The following TPRG1 variants were observed in gnomAD, a reference collection of about 807,000 sequenced individuals.
TPRG1 encodes tumor protein p63 regulated 1.
In TPRG1, 29 loss-of-function variants were observed where a neutral mutation model predicts 29.3. The observed-to-expected ratio is 0.99, with a 90% CI of 0.74 to 1.35. TPRG1 has a LOEUF of 1.35. Ranked by LOEUF, TPRG1 falls within the 40% of genes most tolerant of loss-of-function variation. The pLI is 0.00. For missense variants in TPRG1, 327 were observed against 335.0 expected, an observed-to-expected ratio of 0.98 and a Z score of 0.19; for synonymous variants, 130 against 116.8, an observed-to-expected ratio of 1.11 and a Z score of -0.73.
chr3:189,297,127 C>T (rs529930788), intron 4 of TPRG1, among the ~76,000 whole-genome samples: 134 of 152,156 alleles, frequency 8.8e-4, no homozygotes, highest in African/African-American at 3.1e-3. Context: ...ACTACAGGCA[C>T]GCGCCACCAA....
At chr3:189,192,825 C>G (rs956838139) in intron 1 of TPRG1, among the ~76,000 whole-genome samples, 24 of 152,134 alleles carry the variant, frequency 1.6e-4, no homozygotes, top group African/African-American at 5.1e-4. Flanking sequence ...CTTTCTGCCT[C>G]CAGTTGCAGG....
chr3:189,253,087 G>A (rs1354439699), intron 4 of TPRG1, among the ~76,000 whole-genome samples: 1 of 151,976 alleles, frequency 6.6e-6, no homozygotes, highest in Non-Finnish European at 1.5e-5. Flanking sequence ...GGATACATGT[G>A]CAGAATGTGC....
intron 1 of TPRG1, among the ~76,000 whole-genome samples, chr3:189,175,759 G>A (rs558927558): frequency 2.6e-5 from 4 of 152,300 alleles, no homozygotes; most frequent in South Asian, 2.1e-4. Context: ...TTTAAAATAT[G>A]TTAAGCAACC....
intron 4 of TPRG1, among the ~76,000 whole-genome samples, chr3:189,084,345 G>A (rs1255702475): frequency 6.6e-6 from 1 of 152,114 alleles, no homozygotes; most frequent in Non-Finnish European, 1.5e-5. Context: ...GGGTCTTACT[G>A]AATTAAGAAA....
chr3:189,136,922 C>T (rs1272848210), intron 3 of TPRG1, among the ~76,000 whole-genome samples: 1 of 152,094 alleles, frequency 6.6e-6, no homozygotes, highest in East Asian at 1.9e-4. Flanking sequence ...TTACTGAGGG[C>T]TACAACATAC....
intron 3 of TPRG1, among the ~76,000 whole-genome samples, chr3:189,223,696 G>A (rs1287337038): frequency 6.6e-6 from 1 of 152,132 alleles, no homozygotes; most frequent in Admixed American, 6.5e-5. Flanking sequence ...AAGCTATCTG[G>A]CCATGGTTGT....
chr3:189,010,053 T>C (rs1578186815), intron 3 of TPRG1, among the ~76,000 whole-genome samples: 1 of 152,198 alleles, frequency 6.6e-6, no homozygotes, highest in Admixed American at 6.6e-5. Context: ...TATTTCATTT[T>C]CTGTTCCTGC....
intron 5 of TPRG1, among the ~76,000 whole-genome samples, chr3:189,320,291 A>T (rs1462296223): frequency 6.6e-6 from 1 of 152,090 alleles, no homozygotes; most frequent in Non-Finnish European, 1.5e-5. Context: ...TACCGATGCA[A>T]ATTATTTGTA....
chr3:189,112,371 T>G (rs182511843), intron 1 of TPRG1, among the ~76,000 whole-genome samples: 22 of 152,302 alleles, frequency 1.4e-4, no homozygotes, highest in Admixed American at 1.4e-3. Context: ...CAGAATCTCT[T>G]TAGTTTAATT....
intron 4 of TPRG1, among the ~76,000 whole-genome samples, chr3:189,309,735 G>T (rs567503954): frequency 2.0e-5 from 3 of 152,280 alleles, no homozygotes; most frequent in Admixed American, 2.0e-4. Flanking sequence ...TGCCAGAGTG[G>T]CTTCCTCCCA....
At chr3:189,252,741 T>C (rs1043597835) in intron 4 of TPRG1, among the ~76,000 whole-genome samples, 2 of 152,216 alleles carry the variant, frequency 1.3e-5, no homozygotes, top group South Asian at 2.1e-4. Flanking sequence ...ACCTAACTCA[T>C]AGGGTCATTG....
chr3:189,153,888 C>G (rs1182565240), intron 5 of TPRG1, among the ~76,000 whole-genome samples: 2 of 152,160 alleles, frequency 1.3e-5, no homozygotes, highest in African/African-American at 4.8e-5. Context: ...AGGACCAAGT[C>G]TCAGAAGCCT....
At chr3:189,162,762 T>C (rs1727652309) in intron 5 of TPRG1, among the ~76,000 whole-genome samples, 1 of 152,156 alleles carries the variant, frequency 6.6e-6, no homozygotes, top group African/African-American at 2.4e-5. Context: ...AAGATACACG[T>C]GGGGAAATTT....
At chr3:189,205,248 G>A (rs58309112) in intron 1 of TPRG1, among the ~76,000 whole-genome samples, 9,075 of 152,162 alleles carry the variant, frequency 0.06, 693 homozygotes, top group African/African-American at 0.18. Context: ...TGGAAAGATC[G>A]GATAAGAAAA....
At chr3:189,132,373 C>T (rs1043497349) in intron 2 of TPRG1, 2 of 152,196 alleles carry the variant, frequency 1.3e-5, no homozygotes, top group Admixed American at 6.5e-5. Context: ...TGTTTGATCG[C>T]GTGCTTTCTC....
At chr3:189,214,174 C>T (rs1370031364) in intron 2 of TPRG1, among the ~76,000 whole-genome samples, 2 of 152,126 alleles carry the variant, frequency 1.3e-5, no homozygotes, top group Non-Finnish European at 2.9e-5. Flanking sequence ...TTCACATATC[C>T]TTGGCAAAGT....
At chr3:189,175,413 A>T (rs1183329318) in intron 1 of TPRG1, among the ~76,000 whole-genome samples, 1 of 152,216 alleles carries the variant, frequency 6.6e-6, no homozygotes, top group East Asian at 1.9e-4. Flanking sequence ...CTGAAGTGGA[A>T]TGAGGCCAGA....
At chr3:189,026,941 T>TTA (rs775348308) in intron 4 of TPRG1, among the ~76,000 whole-genome samples, 1 of 152,220 alleles carries the variant, frequency 6.6e-6, no homozygotes, top group Non-Finnish European at 1.5e-5. Flanking sequence ...CTTGTGCCAC[T>TTA]TATATATATC....
intron 4 of TPRG1, among the ~76,000 whole-genome samples, chr3:189,295,766 A>G (rs1719812359): frequency 6.6e-6 from 1 of 152,094 alleles, no homozygotes; most frequent in Admixed American, 6.6e-5. Context: ...ACCGTGCTCA[A>G]ACTTTGTCTT....
Sources: gnomAD v4.1 joint callset for allele counts (sites outside exome capture counted in the v4.1 genomes callset) on GRCh38, gnomAD v4.1.1 for gene constraint, MANE v1.5 for transcripts, NCBI Gene and HGNC (gene_info 2026-07-23, HGNC 2026-07-21) for gene names.